RBFOX1: variants seen among roughly 807,000 people sequenced by gnomAD.
RBFOX1 encodes the protein RNA binding protein fox-1 homolog 1.
Under a neutral mutation model 57.7 loss-of-function variants are expected in RBFOX1, and 8 were observed. That is an observed-to-expected ratio of 0.14 (90% confidence interval 0.08 to 0.25). The LOEUF is 0.25. Among genes scored for constraint, RBFOX1 ranks in the 10% least tolerant of loss-of-function variants. RBFOX1 has a pLI of 1.00. For missense variants in RBFOX1, 611 were observed against 548.5 expected (o/e 1.11, Z -1.14); for synonymous variants, 326 against 222.4 (o/e 1.47, Z -4.15).
At chr16:7,553,186 C>A (rs537996231) in intron 5 of RBFOX1, among the ~76,000 whole-genome samples, 1 of 152,100 alleles carries the variant, frequency 6.6e-6, no homozygotes, top group East Asian at 1.9e-4. Flanking sequence ...TCTCTGTCTC[C>A]CAGACTGGAG....
intron 4 of RBFOX1, among the ~76,000 whole-genome samples, chr16:7,106,984 A>AAAAAACAC (rs529197707): frequency 4.0e-5 from 6 of 148,514 alleles, no homozygotes; most frequent in Non-Finnish European, 5.9e-5. Context: ...ACACAGTTAA[A>AAAAAACAC]ACACACACAC....
At chr16:6,344,909 T>A (rs1485726464) in intron 2 of RBFOX1, among the ~76,000 whole-genome samples, 1 of 150,324 alleles carries the variant, frequency 6.7e-6, no homozygotes, top group East Asian at 2.0e-4. Context: ...CAGGCTGGTC[T>A]TGAATTTCTG....
At chr16:7,122,274 T>A (rs1342122593) in intron 4 of RBFOX1, among the ~76,000 whole-genome samples, 1 of 152,124 alleles carries the variant, frequency 6.6e-6, no homozygotes, top group African/African-American at 2.4e-5. Context: ...GTATCTAGAA[T>A]ATATTTTGAA....
intron 3 of RBFOX1, among the ~76,000 whole-genome samples, chr16:6,680,617 A>G (rs537512976): frequency 2.6e-5 from 4 of 152,246 alleles, no homozygotes; most frequent in African/African-American, 7.2e-5. Context: ...GTTTTATTCT[A>G]AAATAACAAT....
intron 3 of RBFOX1, among the ~76,000 whole-genome samples, chr16:5,687,806 T>C (rs1189247559): frequency 6.6e-6 from 1 of 152,158 alleles, no homozygotes; most frequent in Non-Finnish European, 1.5e-5. Flanking sequence ...GTACCGGGTA[T>C]GTATGGTCTC....
chr16:6,302,917 T>G (rs1027953382), intron 1 of RBFOX1, among the ~76,000 whole-genome samples: 1 of 152,228 alleles, frequency 6.6e-6, no homozygotes, highest in African/African-American at 2.4e-5. Context: ...CTTTGAAAAG[T>G]AGCATAAATG....
At chr16:7,545,735 A>G (rs961593640) in intron 5 of RBFOX1, among the ~76,000 whole-genome samples, 8 of 152,252 alleles carry the variant, frequency 5.3e-5, no homozygotes, top group African/African-American at 1.4e-4. Context: ...CTTTCCAGAC[A>G]GAGGTGGAGG....
intron 9 of RBFOX1, among the ~76,000 whole-genome samples, chr16:7,602,027 C>G (rs1214986076): frequency 6.6e-6 from 1 of 152,174 alleles, no homozygotes; most frequent in African/African-American, 2.4e-5. Flanking sequence ...AAAGCATTGA[C>G]AGGCAGTTTT....
intron 4 of RBFOX1, among the ~76,000 whole-genome samples, chr16:5,923,620 C>A (rs1442432585): frequency 2.7e-5 from 4 of 147,664 alleles, no homozygotes; most frequent in Non-Finnish European, 4.4e-5. Context: ...TGGCTGACTG[C>A]AACCTCCACC....
At chr16:7,220,550 T>C (rs80292108) in intron 4 of RBFOX1, among the ~76,000 whole-genome samples, 1 of 152,218 alleles carries the variant, frequency 6.6e-6, no homozygotes, top group Non-Finnish European at 1.5e-5. Flanking sequence ...GATGTAACCC[T>C]GATGTCAGGT....
At chr16:6,961,568 C>G (rs955327645) in intron 3 of RBFOX1, among the ~76,000 whole-genome samples, 3 of 152,302 alleles carry the variant, frequency 2.0e-5, no homozygotes, top group Non-Finnish European at 4.4e-5. Flanking sequence ...AAACGAATGG[C>G]TACTCCATAG....
intron 3 of RBFOX1, among the ~76,000 whole-genome samples, chr16:6,847,166 C>G (rs1442411269): frequency 1.3e-5 from 2 of 152,184 alleles, no homozygotes; most frequent in Non-Finnish European, 2.9e-5. Context: ...AACATAGCAA[C>G]TCAAGCCCTC....
intron 1 of RBFOX1, among the ~76,000 whole-genome samples, chr16:6,089,231 C>G (rs368070654): frequency 1.5e-4 from 23 of 151,974 alleles, no homozygotes; most frequent in African/African-American, 4.8e-4. Flanking sequence ...AGGTAGATCC[C>G]GATTAACTGA....
chr16:5,405,519 A>C (rs1341721000), intron 1 of RBFOX1, among the ~76,000 whole-genome samples: 4 of 152,134 alleles, frequency 2.6e-5, no homozygotes, highest in Admixed American at 2.6e-4. Context: ...TTTCTTTATA[A>C]ATTACCCAGT....
intron 2 of RBFOX1, among the ~76,000 whole-genome samples, chr16:6,345,604 G>A (rs2085259481): frequency 6.6e-6 from 1 of 152,072 alleles, no homozygotes. Flanking sequence ...TACTTACTCG[G>A]TCCCAGCTAC....
chr16:5,392,226 C>T (rs1430428059), intron 1 of RBFOX1, among the ~76,000 whole-genome samples: 1 of 152,000 alleles, frequency 6.6e-6, no homozygotes, highest in African/African-American at 2.4e-5. Context: ...CACAAATCAC[C>T]ACTAAGGAAT....
At chr16:5,956,522 G>A (rs2152283095) in intron 4 of RBFOX1, among the ~76,000 whole-genome samples, 2 of 151,418 alleles carry the variant, frequency 1.3e-5, no homozygotes, top group East Asian at 3.9e-4. Flanking sequence ...AAATCACTGG[G>A]CTTCCTCTCT....
chr16:5,726,575 G>C (rs1027772442), intron 3 of RBFOX1, among the ~76,000 whole-genome samples: 1 of 152,158 alleles, frequency 6.6e-6, no homozygotes. Context: ...GGAGTCCAGG[G>C]AAGCAGCCTC....
chr16:5,321,635 A>C (rs777891897), intron 1 of RBFOX1, among the ~76,000 whole-genome samples: 11 of 152,076 alleles, frequency 7.2e-5, no homozygotes, highest in Non-Finnish European at 1.6e-4. Context: ...ACATTTTTAA[A>C]GCCACTAGGT....
Sources: gnomAD v4.1 joint callset for allele counts (sites outside exome capture counted in the v4.1 genomes callset) on GRCh38, gnomAD v4.1.1 for gene constraint, MANE v1.5 for transcripts, NCBI Gene and HGNC (gene_info 2026-07-23, HGNC 2026-07-21) for gene names.